CD3G: variants seen among roughly 807,000 people sequenced by gnomAD.
The protein encoded by CD3G is T-cell surface glycoprotein CD3 gamma chain.
CD3G carries 24 observed loss-of-function variants against 28.3 expected under a neutral mutation model. The observed-to-expected ratio is 0.85, with a 90% CI of 0.61 to 1.19. CD3G has a LOEUF of 1.19. Ranked by LOEUF, CD3G falls within the 50% of genes most tolerant of loss-of-function variation. The pLI is 0.00. For synonymous variants in CD3G, 71 were observed against 75.9 expected, an observed-to-expected ratio of 0.93 and a Z score of 0.34; for missense variants, 211 against 210.0, an observed-to-expected ratio of 1.00 and a Z score of -0.03.
At chr11:118,349,103 T>G (rs767740569) in intron 2 of CD3G, 53 bp downstream of exon 2, 1 of 1,614,090 alleles carries the variant, frequency 6.2e-7, no homozygotes, top group Admixed American at 1.7e-5. Context: ...GACGGAAATT[T>G]GGCTTCCTAC....
At chr11:118,345,883 C>T (rs867805007) in intron 1 of CD3G, among the ~76,000 whole-genome samples, 3 of 152,118 alleles carry the variant, frequency 2.0e-5, no homozygotes, top group Non-Finnish European at 2.9e-5. Context: ...GGGTGATGAC[C>T]GGTTGGGAGA....
rs1372130474 is a variant in CD3G, at chr11:118,344,448, G to A, written c.25G>A (p.Val9Ile). Reference protein sequence around the residue: MEQGKGLAVLILAIILLQG... With the variant: MEQGKGLAILILAIILLQG... ...CATGGAACAGGGGAAGGGCCTGGCT[G>A]TCCTCATCCTGGCTATCATTCTTCT... The change falls in exon 1 of 7, where the codon GTC (valine) becomes ATC (isoleucine). Residue 9 changes from valine (V) to isoleucine (I), a missense_variant. Physicochemically the swap from Val to Ile is conservative, Grantham distance 29. Transcript: ENST00000532917. 8.9e-6 allele frequency: 14 copies of A among 1,572,276 alleles called. No individual in the cohort carries two copies. In the Admixed American group the frequency reaches 9.4e-5, roughly 11 times the overall value.
At chr11:118,345,907 G>C (rs931366175) in intron 1 of CD3G, among the ~76,000 whole-genome samples, 3 of 152,230 alleles carry the variant, frequency 2.0e-5, no homozygotes, top group Admixed American at 2.0e-4. Flanking sequence ...GAAGAGGACA[G>C]TGAGAGTTTA....
Position 118,352,393 on chromosome 11 carries a change from G to T in CD3G, c.484-11G>T, listed in dbSNP as rs78019149. The T allele has an allele frequency of 6.8e-6, 11 of 1,611,728 alleles. No individual in the cohort carries two copies. The South Asian group carries it at 1.2e-4, about 18-fold the overall frequency. ...GGAAAAAATGACTTATGACTGTGCT[G>T]TCCTTTCCAGCCCCTCAAGGATCGA... On this transcript the variant is annotated splice_polypyrimidine_tract_variant and intron_variant, in intron 5 of 6. Coordinates refer to ENST00000532917, the MANE Select transcript of CD3G (RefSeq NM_000073.3).
chr11:118,348,042 G>A (rs1948372500), intron 1 of CD3G, among the ~76,000 whole-genome samples: 1 of 152,204 alleles, frequency 6.6e-6, no homozygotes, highest in African/African-American at 2.4e-5. Context: ...TCAGCCTAAA[G>A]GTTTTGGATA....
At position 118,350,701 on chromosome 11, in the gene CD3G, G is replaced by A. The variant is rs1364895826; in HGVS notation, c.439+18G>A. On this transcript the variant is annotated intron_variant, in intron 4 of 6. Coordinates refer to ENST00000532917, the MANE Select transcript of CD3G (RefSeq NM_000073.3). ...GTCGAGAGGTAAAAGAATGCTCTTA[G>A]ATGAGAGATGGGACCACCTGAGACC... The A allele has an allele frequency of 6.2e-7, 1 of 1,613,518 alleles. No homozygotes were observed. The highest frequency in any genetic ancestry group is 1.3e-5 in the African/African-American group (1 of 74,828).
chr11:118,350,890 A>G (rs1356616342), intron 4 of CD3G: 72 of 710,988 alleles, frequency 1.0e-4, no homozygotes, highest in Middle Eastern at 1.1e-3. Context: ...TCCCTCTGTG[A>G]AAAAAAAAAA....
chr11:118,350,904 C>CAAAAAAAAAAAAAAAAAAAAAA (rs978981914), intron 4 of CD3G: 1 of 815,384 alleles, frequency 1.2e-6, no homozygotes, highest in Non-Finnish European at 1.5e-6. Flanking sequence ...AAAAAAAAAA[C>CAAAAAAAAAAAAAAAAAAAAAA]AAAAACAGGC....
At chr11:118,344,915 A>G (rs1663720879) in intron 1 of CD3G, among the ~76,000 whole-genome samples, 1 of 152,246 alleles carries the variant, frequency 6.6e-6, no homozygotes, top group South Asian at 2.1e-4. Flanking sequence ...GTGATATGCC[A>G]TGAGGAAATA....
At chr11:118,349,280 G>T in intron 2 of CD3G, 1 of 1,444,292 alleles carries the variant, frequency 6.9e-7, no homozygotes, top group Non-Finnish European at 9.1e-7. Flanking sequence ...CAGGACCCTA[G>T]TAGCTAGGGA....
At chr11:118,352,521 C>T (rs745517799) in intron 6 of CD3G, 34 bp downstream of exon 6, 1 of 1,428,034 alleles carries the variant, frequency 7.0e-7, no homozygotes, top group Non-Finnish European at 9.9e-7. Context: ...AATAAAGGAC[C>T]CTTGCATCAA....
chr11:118,349,879 G>C lies in CD3G; in HGVS notation c.216G>C (p.Trp72Cys). 1.2e-6 allele frequency: 2 copies of C among 1,614,114 alleles called. No individual in the cohort carries two copies. The highest frequency in any genetic ancestry group is 1.7e-6 in the Non-Finnish European group (2 of 1,180,002). Reference sequence around the variant, plus strand: ...TCCTAACTGAAGATAAAAAAAAATGGAATCTGGGAAGTAATGCCAAGGACC... The same window carrying C: ...TCCTAACTGAAGATAAAAAAAAATGCAATCTGGGAAGTAATGCCAAGGACC... The part of the protein sequence containing the change: ...IGFLTEDKKK[W>C]NLGSNAKDPR... Residue 72 changes from tryptophan (W) to cysteine (C), a missense_variant, in exon 3 of 7, where the codon TGG (tryptophan) becomes TGC (cysteine). Coordinates refer to ENST00000532917, the MANE Select transcript of CD3G (RefSeq NM_000073.3).
chr11:118,351,996 T>C (rs1948413949), intron 5 of CD3G, among the ~76,000 whole-genome samples: 2 of 152,174 alleles, frequency 1.3e-5, no homozygotes, highest in Non-Finnish European at 2.9e-5. Flanking sequence ...GTGAATCACC[T>C]GAGGTCAGGA....
rs1033974081 is a variant in CD3G at position 118,354,628 on chromosome 11, C to T, written c.*1528C>T. On this transcript the variant is annotated 3_prime_UTR_variant, in exon 7 of 7. Transcript: ENST00000532917. ...GGATTACAGGTGTGAGCCACCGCGC[C>T]AGGCCCGTAACTGTATTTTAATATA... is the stretch of plus-strand genomic sequence containing the variant. 6.6e-6 allele frequency: 1 copy of T among 152,016 alleles called. No homozygotes were observed. The highest frequency in any genetic ancestry group is 1.5e-5 in the Non-Finnish European group (1 of 68,028). 9.4% of individuals were successfully genotyped at this position (152,016 alleles called of 1,614,324 possible).
At chr11:118,350,985 G>C in intron 4 of CD3G, 2 of 636,476 alleles carry the variant, frequency 3.1e-6, no homozygotes, top group Non-Finnish European at 4.5e-6. Flanking sequence ...TCAGGAGATC[G>C]AGACCATCCT....
intron 6 of CD3G, 123 bp from the exon 7 acceptor site, chr11:118,352,996 A>T (rs1436153870): frequency 6.1e-6 from 1 of 164,084 alleles, no homozygotes; most frequent in Non-Finnish European, 1.4e-5. Context: ...TTAACCTTCC[A>T]ATCAATAAAT....
chr11:118,350,889 G>GGAAAAA, intron 4 of CD3G: 1 of 628,666 alleles, frequency 1.6e-6, no homozygotes, highest in Non-Finnish European at 2.0e-6. Context: ...CTCCCTCTGT[G>GGAAAAA]AAAAAAAAAA....
chr11:118,349,498 C>A, intron 2 of CD3G: 1 of 605,300 alleles, frequency 1.7e-6, no homozygotes, highest in Non-Finnish European at 2.9e-6. Flanking sequence ...CTAATTACAG[C>A]AATGTCTCTT....
chr11:118,350,557 C>G lies in CD3G; in HGVS notation c.313C>G (p.Gln105Glu). 1 of 1,612,646 alleles carries G rather than the reference C, an allele frequency of 6.2e-7. No individual in the cohort carries two copies. Among genetic ancestry groups the G allele is most frequent in the Non-Finnish European group, 8.5e-7 (1 of 1,178,700 alleles). ...GTCTCTCCTTTTCCCTACAGTGTGT[C>G]AGAACTGCATTGAACTAAATGCAGC... Reference protein sequence around the residue: ...KPLQVYYRMCQNCIELNAATI... With the variant: ...KPLQVYYRMCENCIELNAATI... Residue 105 changes from glutamine (Q) to glutamate (E), a missense_variant, in exon 4 of 7, where the codon CAG (glutamine) becomes GAG (glutamate). By Grantham distance (29) the Gln-to-Glu change is conservative (BLOSUM62 2). Coordinates refer to ENST00000532917, the MANE Select transcript of CD3G (RefSeq NM_000073.3).
Sources: allele counts gnomAD v4.1 joint callset (sites outside exome capture counted in the v4.1 genomes callset), GRCh38; gene constraint gnomAD v4.1.1; transcripts MANE v1.5; gene names NCBI Gene and HGNC (gene_info 2026-07-23, HGNC 2026-07-21).